Variants in PCDHGA3 observed in about 807,000 individuals in gnomAD.
The protein encoded by PCDHGA3 is protocadherin gamma subfamily A, 3.
A neutral mutation model predicts 58.5 loss-of-function variants in PCDHGA3; 40 were observed. The ratio of observed to expected loss-of-function variants is 0.68; its 90% CI spans 0.53 to 0.89. The LOEUF is 0.89. Ranked by LOEUF, PCDHGA3 falls within the 40% of genes least tolerant of loss-of-function variation. PCDHGA3 has a pLI of 0.00. For missense variants in PCDHGA3, 1,223 were observed against 1,195.9 expected, an observed-to-expected ratio of 1.02 and a Z score of -0.33; for synonymous variants, 530 against 525.7, an observed-to-expected ratio of 1.01 and a Z score of -0.11.
intron 1 of PCDHGA3, chr5:141,408,375 T>C: frequency 6.2e-7 from 1 of 1,613,972 alleles, no homozygotes; most frequent in Non-Finnish European, 8.5e-7. Context: ...GGGCTCAGTG[T>C]CCTGGATGTG....
At position 141,375,271 on chromosome 5, in the gene PCDHGA3, A is replaced by C. The variant is rs748119820; in HGVS notation, c.2424+28814A>C. 1.5e-5 allele frequency: 24 copies of C among 1,613,884 alleles called. No homozygotes were observed. The East Asian group carries it at 4.5e-4, about 30-fold the overall frequency. On this transcript the variant is annotated intron_variant, in intron 1 of 3. Coordinates refer to ENST00000253812, the MANE Select transcript of PCDHGA3 (RefSeq NM_018916.4). ...GAAGTCTCCCATTTGAATTGGAAAAATCAGTTGGCAATTATTATCGATTAG... is the reference window on the plus strand; with the variant it reads ...GAAGTCTCCCATTTGAATTGGAAAACTCAGTTGGCAATTATTATCGATTAG...
intron 1 of PCDHGA3, chr5:141,420,099 C>G: frequency 2.5e-6 from 4 of 1,613,996 alleles, no homozygotes; most frequent in Non-Finnish European, 3.4e-6. Context: ...AGTGAGGGAA[C>G]GTTGCCCTAT....
chr5:141,388,397 A>C, intron 1 of PCDHGA3: 1 of 1,613,956 alleles, frequency 6.2e-7, no homozygotes, highest in Non-Finnish European at 8.5e-7. Context: ...AGAATTACCA[A>C]CTCAGTCCCA....
At chr5:141,481,919 A>C (rs1488201177) in intron 1 of PCDHGA3, among the ~76,000 whole-genome samples, 1 of 151,214 alleles carries the variant, frequency 6.6e-6, no homozygotes, top group Non-Finnish European at 1.5e-5. Context: ...ATCTCAAAAA[A>C]AAAAAAAAAA....
chr5:141,496,164 C>A (rs745320704), intron 2 of PCDHGA3, among the ~76,000 whole-genome samples: 1 of 152,084 alleles, frequency 6.6e-6, no homozygotes, highest in East Asian at 1.9e-4. Flanking sequence ...CCACCAGACA[C>A]CCTCCCATCC....
At chr5:141,399,080 G>A (rs1385144710) in intron 1 of PCDHGA3, 2 of 1,613,696 alleles carry the variant, frequency 1.2e-6, no homozygotes, top group Non-Finnish European at 1.7e-6. Flanking sequence ...GTAGAAGGGA[G>A]GGATGGTGGT....
At chr5:141,425,957 C>A (rs1317696447) in intron 1 of PCDHGA3, among the ~76,000 whole-genome samples, 1 of 152,140 alleles carries the variant, frequency 6.6e-6, no homozygotes, top group Non-Finnish European at 1.5e-5. Context: ...TACATTAGTC[C>A]AACACATCAG....
chr5:141,422,276 T>G, intron 1 of PCDHGA3: 3 of 1,558,820 alleles, frequency 1.9e-6, no homozygotes, highest in South Asian at 1.3e-5. Context: ...GAAATAACTA[T>G]CACCTCTTCT....
intron 1 of PCDHGA3, among the ~76,000 whole-genome samples, chr5:141,484,179 A>G (rs2099592960): frequency 6.6e-6 from 1 of 152,222 alleles, no homozygotes; most frequent in South Asian, 2.1e-4. Context: ...GATCTCAATC[A>G]TTCAAGGAAG....
chr5:141,366,075 C>T (rs1373930718), intron 1 of PCDHGA3: 1 of 1,614,264 alleles, frequency 6.2e-7, no homozygotes, highest in Admixed American at 1.7e-5. Context: ...CCTCGCTCCG[C>T]AGAACCTGGC....
rs533568792 is a variant in PCDHGA3 at position 141,393,506 on chromosome 5, A to G, written c.2424+47049A>G. The G allele has an allele frequency of 7.4e-6, 12 of 1,614,032 alleles. No individual in the cohort carries two copies. The East Asian group carries it at 2.5e-4, about 33-fold the overall frequency. ...CTAGCACAGTGCGCATCCACGTGAC[A>G]GTGTTGGATACAAATGACAATGCCC... On this transcript the variant is annotated intron_variant, in intron 1 of 3. Transcript: ENST00000253812.
intron 1 of PCDHGA3, chr5:141,355,950 T>A: frequency 6.2e-7 from 1 of 1,613,924 alleles, no homozygotes; most frequent in Non-Finnish European, 8.5e-7. Flanking sequence ...ACCACGTAAG[T>A]GTTCGTGAGA....
Position 141,374,498 on chromosome 5 carries a change from G to GA in PCDHGA3, c.2424+28043dup, listed in dbSNP as rs1265465509. Reference sequence around the variant, plus strand: ...ACCCCGATTCTTAAAGGAAGAATTGGAAGTGAAAATTCTCGAAAACGCAGC... The same window carrying GA: ...ACCCCGATTCTTAAAGGAAGAATTGGAAAGTGAAAATTCTCGAAAACGCAGC... On this transcript the variant is annotated intron_variant, in intron 1 of 3. Transcript: ENST00000253812. 3 of 1,611,504 alleles carry GA rather than the reference G, an allele frequency of 1.9e-6. No homozygotes were observed. The South Asian group carries it at 3.3e-5, about 18-fold the overall frequency.
intron 1 of PCDHGA3, chr5:141,442,056 C>T: frequency 5.0e-6 from 1 of 198,150 alleles, no homozygotes; most frequent in Non-Finnish European, 1.0e-5. Flanking sequence ...GGTCGCGGTG[C>T]ACTGCGGTGG....
At chr5:141,363,563 A>G (rs1428859316) in intron 1 of PCDHGA3, among the ~76,000 whole-genome samples, 1 of 152,258 alleles carries the variant, frequency 6.6e-6, no homozygotes, top group Non-Finnish European at 1.5e-5. Context: ...ATGGTAATAG[A>G]AAAACATAAA....
chr5:141,366,812 T>G (rs1459944909), intron 1 of PCDHGA3: 6 of 1,549,614 alleles, frequency 3.9e-6, no homozygotes, highest in Non-Finnish European at 4.4e-6. Context: ...TTTTTCATGT[T>G]TCTGTCATAT....
chr5:141,511,632 G>A lies in PCDHGA3; in HGVS notation c.*459G>A, dbSNP rs1388627906. The A allele has an allele frequency of 8.6e-6, 2 of 231,934 alleles. No homozygotes were observed. The highest frequency in any genetic ancestry group is 5.1e-5 in the Admixed American group (1 of 19,634). 14.4% of individuals were successfully genotyped at this position (231,934 alleles called of 1,614,324 possible). A position where few individuals can be genotyped will look rare whatever the true frequency, so the allele number is the denominator to read the frequency against. On this transcript the variant is annotated 3_prime_UTR_variant, in exon 4 of 4. Transcript: ENST00000253812. ...CCTCCTAGTTCTGAAAAGTTGGAAG[G>A]GCATCATGACCTCTTGGCCTCTCCT...
chr5:141,385,052 G>A (rs559398944), intron 1 of PCDHGA3: 3 of 1,614,152 alleles, frequency 1.9e-6, no homozygotes, highest in Non-Finnish European at 8.5e-7. Context: ...AGGCTGCGGC[G>A]CTGGCACAAG....
intron 1 of PCDHGA3, chr5:141,351,064 G>A: frequency 6.2e-7 from 1 of 1,614,060 alleles, no homozygotes; most frequent in Non-Finnish European, 8.5e-7. Context: ...ACCAGGATGA[G>A]GGCATTAATG....
Sources: allele counts gnomAD v4.1 joint callset (sites outside exome capture counted in the v4.1 genomes callset), GRCh38; gene constraint gnomAD v4.1.1; transcripts MANE v1.5; gene names NCBI Gene and HGNC (gene_info 2026-07-23, HGNC 2026-07-21).